Variants in SLC20A2 observed in about 807,000 individuals in gnomAD.
SLC20A2 encodes sodium-dependent phosphate transporter 2.
SLC20A2 carries 30 observed loss-of-function variants against 61.0 expected under a neutral mutation model. That is an observed-to-expected ratio of 0.49 (90% CI 0.37 to 0.67). SLC20A2 has a LOEUF of 0.67. Among genes scored for constraint, SLC20A2 ranks in the 30% least tolerant of loss-of-function variants. The pLI is 0.00. For synonymous variants in SLC20A2, 351 were observed against 353.3 expected (o/e 0.99, Z 0.07); for missense variants, 626 against 866.4 (o/e 0.72, Z 3.48).
chr8:42,526,765 T>C (rs186802960), intron 1 of SLC20A2, among the ~76,000 whole-genome samples: 51 of 152,038 alleles, frequency 3.4e-4, no homozygotes, highest in Middle Eastern at 3.4e-3. Flanking sequence ...TTGATATTGG[T>C]TCATTAATTT....
chr8:42,465,634 T>C, intron 3 of SLC20A2, 143 bp downstream of exon 3: 2 of 688,256 alleles, frequency 2.9e-6, no homozygotes, highest in Non-Finnish European at 4.5e-6. Context: ...GAGGTTGCAG[T>C]GAGCCGAGAT....
At chr8:42,534,850 TTGTTCTCCCAC>T (rs1259300853) in intron 1 of SLC20A2, 1 of 152,228 alleles carries the variant, frequency 6.6e-6, no homozygotes, top group African/African-American at 2.4e-5. Context: ...CTGTTCCTAT[TTGTTCTCCCAC>T]TGTTGTTACC....
intron 2 of SLC20A2, among the ~76,000 whole-genome samples, chr8:42,470,244 G>C (rs560973892): frequency 2.7e-5 from 4 of 148,484 alleles, no homozygotes; most frequent in South Asian, 2.1e-4. Context: ...TTGAGACAGG[G>C]TCTGGCTATG....
At chr8:42,429,213 C>T (rs755068287) in intron 9 of SLC20A2, among the ~76,000 whole-genome samples, 6 of 152,124 alleles carry the variant, frequency 3.9e-5, no homozygotes, top group Non-Finnish European at 7.4e-5. Context: ...GTATTTTTCT[C>T]GGATTACGAA....
intron 5 of SLC20A2, among the ~76,000 whole-genome samples, chr8:42,456,556 C>A (rs1806211011): frequency 6.6e-6 from 1 of 151,994 alleles, no homozygotes; most frequent in African/African-American, 2.4e-5. Flanking sequence ...CATAGCAAAA[C>A]CCCGTCTCTA....
intron 6 of SLC20A2, among the ~76,000 whole-genome samples, chr8:42,440,098 G>GAAAGA (rs1264964221): frequency 6.7e-6 from 1 of 149,908 alleles, no homozygotes; most frequent in African/African-American, 2.4e-5. Flanking sequence ...AAAAAAAAAA[G>GAAAGA]AAAGAAAAGA....
At chr8:42,455,257 TAGAGAGAGAGAGAGAGAGAGAG>T in intron 5 of SLC20A2, among the ~76,000 whole-genome samples, 1 of 81,622 alleles carries the variant, frequency 1.2e-5, no homozygotes, top group South Asian at 4.2e-4. Flanking sequence ...TATATATATA[TAGAGAGAGAGAGAGAGAGAGAG>T]AGAGAGAGAG....
At chr8:42,485,393 G>C (rs1478642356) in intron 1 of SLC20A2, among the ~76,000 whole-genome samples, 1 of 152,118 alleles carries the variant, frequency 6.6e-6, no homozygotes, top group Non-Finnish European at 1.5e-5. Flanking sequence ...TGTAATTCAA[G>C]CACTTTGGGA....
intron 6 of SLC20A2, among the ~76,000 whole-genome samples, chr8:42,443,266 TATATATATATA>T (rs1563462119): frequency 0.043 from 3,992 of 93,418 alleles, 377 homozygotes; most frequent in African/African-American, 0.12. Context: ...TATTATAGGA[TATATATATATA>T]TATATATATA....
At position 42,445,879 on chromosome 8, in the gene SLC20A2, C is replaced by G. The variant is rs186204496; in HGVS notation, c.614-1117G>C. Among the ~76,000 whole-genome samples, 348 of 152,382 alleles carry G rather than the reference C, an allele frequency of 2.3e-3. 3 individuals are homozygous for G. The highest frequency in any genetic ancestry group is 7.8e-3 in the African/African-American group (324 of 41,590). ...AGGCCTCTCCTAGTTCCTCAGCAGC[C>G]AGTAGCCCTACTTTAAACGGACATG... On this transcript the variant is annotated intron_variant, in intron 5 of 10. Transcript: ENST00000520262.
chr8:42,479,641 C>A (rs1344688927), intron 1 of SLC20A2, among the ~76,000 whole-genome samples: 2 of 152,066 alleles, frequency 1.3e-5, no homozygotes, highest in African/African-American at 4.8e-5. Context: ...GACTGGCCAA[C>A]ATAGCAAAAC....
Position 42,417,714 on chromosome 8 carries a change from G to T in SLC20A2, c.*89C>A. On this transcript the variant is annotated 3_prime_UTR_variant, in exon 11 of 11. Coordinates refer to ENST00000520262, the MANE Select transcript of SLC20A2 (RefSeq NM_001257180.2). ...GTCATGAGAGAGCCGTGCACGGCCA[G>T]GATGTGTATGTGCGGCACGAGCACA... 1.4e-6 allele frequency: 2 copies of T among 1,424,750 alleles called. No individual in the cohort carries two copies. The highest frequency in any genetic ancestry group is 2.0e-6 in the Non-Finnish European group (2 of 1,021,512). 88.3% of individuals were successfully genotyped at this position (1,424,750 alleles called of 1,614,324 possible). A position where few individuals can be genotyped will look rare whatever the true frequency, so the allele number is the denominator to read the frequency against.
chr8:42,476,325 A>G (rs901559212), intron 1 of SLC20A2, among the ~76,000 whole-genome samples: 2 of 151,714 alleles, frequency 1.3e-5, no homozygotes, highest in Non-Finnish European at 2.9e-5. Flanking sequence ...GGATGGTCTC[A>G]ATCTGCTGAC....
At chr8:42,493,383 C>T (rs1367031212) in intron 1 of SLC20A2, among the ~76,000 whole-genome samples, 1 of 152,216 alleles carries the variant, frequency 6.6e-6, no homozygotes, top group East Asian at 1.9e-4. Flanking sequence ...CGTGATACTA[C>T]ACAGATAAGT....
intron 6 of SLC20A2, among the ~76,000 whole-genome samples, chr8:42,444,001 C>A (rs567734737): frequency 6.6e-6 from 1 of 152,182 alleles, no homozygotes; most frequent in Non-Finnish European, 1.5e-5. Context: ...GGTCGTCCAT[C>A]GCATGAATTT....
At chr8:42,519,864 G>A (rs1811537875) in intron 1 of SLC20A2, among the ~76,000 whole-genome samples, 1 of 152,106 alleles carries the variant, frequency 6.6e-6, no homozygotes, top group South Asian at 2.1e-4. Flanking sequence ...AATTAGCCTG[G>A]AAGACAATGA....
At chr8:42,505,951 A>C (rs1339316700), upstream of SLC20A2, among the ~76,000 whole-genome samples, 1 of 126,138 alleles carries the variant, frequency 7.9e-6, no homozygotes, top group Non-Finnish European at 1.7e-5. Context: ...CTCGTTAAGA[A>C]TTCTCTGTAT....
chr8:42,500,673 A>G (rs1810259588), intron 1 of SLC20A2, among the ~76,000 whole-genome samples: 2 of 152,180 alleles, frequency 1.3e-5, no homozygotes, highest in African/African-American at 4.8e-5. Context: ...TTTTTTTCTC[A>G]AGAATTAGGT....
At chr8:42,468,491 A>C (rs1212383635) in intron 2 of SLC20A2, among the ~76,000 whole-genome samples, 1 of 152,160 alleles carries the variant, frequency 6.6e-6, no homozygotes, top group Non-Finnish European at 1.5e-5. Flanking sequence ...GCCTGGGAGT[A>C]GGTGATAGCA....
Sources: gnomAD v4.1 joint callset for allele counts (sites outside exome capture counted in the v4.1 genomes callset) on GRCh38, gnomAD v4.1.1 for gene constraint, MANE v1.5 for transcripts, NCBI Gene and HGNC (gene_info 2026-07-23, HGNC 2026-07-21) for gene names.